The following ZNF521 variants were observed in gnomAD, a reference collection of about 807,000 sequenced individuals.
The protein encoded by ZNF521 is zinc finger protein 521.
ZNF521 carries 14 observed loss-of-function variants against 105.5 expected under a neutral mutation model. The ratio of observed to expected loss-of-function variants is 0.13; its 90% CI spans 0.09 to 0.21. The LOEUF (loss-of-function observed/expected upper bound fraction) is 0.21. ZNF521 is among the 10% of genes least tolerant of loss of function. The probability of loss-of-function intolerance (pLI) is 1.00; values close to 1 mark genes in which losing one functional copy is unlikely to be tolerated. For synonymous variants in ZNF521, 635 were observed against 606.0 expected, an observed-to-expected ratio of 1.05 and a Z score of -0.70; for missense variants, 1,233 against 1,629.7, an observed-to-expected ratio of 0.76 and a Z score of 4.19.
At chr18:25,295,407 C>T (rs995720871) in intron 3 of ZNF521, among the ~76,000 whole-genome samples, 1 of 152,010 alleles carries the variant, frequency 6.6e-6, no homozygotes, top group Admixed American at 6.6e-5. Flanking sequence ...TTTGCTAGCA[C>T]AACAGGATGA....
At chr18:25,150,723 A>G (rs555456079) in intron 5 of ZNF521, among the ~76,000 whole-genome samples, 1 of 152,210 alleles carries the variant, frequency 6.6e-6, no homozygotes, top group East Asian at 1.9e-4. Flanking sequence ...CTATTGGGTC[A>G]TAACTCCTAA....
At chr18:25,097,417 G>A (rs2033875508) in intron 5 of ZNF521, among the ~76,000 whole-genome samples, 1 of 152,116 alleles carries the variant, frequency 6.6e-6, no homozygotes, top group Non-Finnish European at 1.5e-5. Flanking sequence ...ATTGCATATT[G>A]TGGGAACGTT....
chr18:25,250,069 G>A (rs972195057), intron 3 of ZNF521, among the ~76,000 whole-genome samples: 87 of 152,242 alleles, frequency 5.7e-4, no homozygotes, highest in African/African-American at 2.1e-3. Context: ...ATCGGGAGTA[G>A]CTGGGACTAC....
intron 3 of ZNF521, among the ~76,000 whole-genome samples, chr18:25,280,271 A>C (rs2033900454): frequency 6.6e-6 from 1 of 152,252 alleles, no homozygotes; most frequent in South Asian, 2.1e-4. Flanking sequence ...CACCAGCACC[A>C]TTAAGTGGCA....
rs571705855 is a variant in ZNF521, at chr18:25,165,305, C to T, written c.3658+29855G>A. ...CCCTGCAGGCTCTTGTCTTCACCTT[C>T]AAATCATAAGACAGAGAAATCAAGC... is the stretch of plus-strand genomic sequence containing the variant. On this transcript the variant is annotated intron_variant, in intron 5 of 7. Coordinates refer to ENST00000361524, the MANE Select transcript of ZNF521 (RefSeq NM_015461.3). Among the ~76,000 whole-genome samples, 82 of 152,312 alleles carry T rather than the reference C, an allele frequency of 5.4e-4. 1 individual carries two copies. Among genetic ancestry groups the T allele is most frequent in the African/African-American group, 1.7e-3 (72 of 41,590 alleles).
chr18:25,291,082 C>G (rs1281803855), intron 3 of ZNF521, among the ~76,000 whole-genome samples: 1 of 152,036 alleles, frequency 6.6e-6, no homozygotes, highest in Admixed American at 6.6e-5. Flanking sequence ...AATACACTTG[C>G]CAAATGACTG....
At chr18:25,290,461 C>A (rs1330626049) in intron 3 of ZNF521, among the ~76,000 whole-genome samples, 2 of 152,064 alleles carry the variant, frequency 1.3e-5, no homozygotes, top group African/African-American at 2.4e-5. Flanking sequence ...ATTCCTGGGC[C>A]CCTCGCTGGG....
At position 25,316,861 on chromosome 18, in the gene ZNF521, T is replaced by C. The variant is rs1042989352; in HGVS notation, c.220+5147A>G. Among the ~76,000 whole-genome samples, 18 of 112,140 alleles carry C rather than the reference T, an allele frequency of 1.6e-4. No homozygotes were observed. The East Asian group carries it at 2.7e-3, about 17-fold the overall frequency. 73.6% of individuals were successfully genotyped at this position (112,140 alleles called of 152,430 possible). A position where few individuals can be genotyped will look rare whatever the true frequency, so the allele number is the denominator to read the frequency against. On this transcript the variant is annotated intron_variant, in intron 3 of 7. Coordinates refer to ENST00000361524, the MANE Select transcript of ZNF521 (RefSeq NM_015461.3). ...GGCAAGTAAGACTTTTTTTTTTTTT[T>C]TTTTTTTTTTGAGACAGAGTTTCAC...
chr18:25,225,180 G>C lies in ZNF521; in HGVS notation c.2738C>G (p.Pro913Arg). 2 of 1,614,100 alleles carry C rather than the reference G, an allele frequency of 1.2e-6. No homozygotes were observed. The highest frequency in any genetic ancestry group is 2.2e-5 in the South Asian group (2 of 91,066). ...CTTTTTCACGATGGCACTTTCTCCA[G>C]GTCTGATGTTGTGGTCTCGGAGCTG... is the stretch of plus-strand genomic sequence containing the variant. ...NHQLRDHNIR[P>R]GESAIVKKKA... is the part of the protein sequence containing the mutation. The change falls in exon 4 of 8, where the codon CCT (proline) becomes CGT (arginine). Residue 913 changes from proline to arginine, a missense_variant. By Grantham distance (103) the Pro-to-Arg change is moderately radical. Transcript: ENST00000361524. This position sits in a 1 kb window ranked among gnomAD's most constrained non-coding sequence, Gnocchi z 5.6.
At chr18:25,192,246 A>C (rs4131294) in intron 5 of ZNF521, among the ~76,000 whole-genome samples, 26,199 of 152,110 alleles carry the variant, frequency 0.17, 2,355 homozygotes, top group East Asian at 0.31. Context: ...ATTTTTATCG[A>C]GTAATTATTC....
chr18:25,156,144 A>G (rs2035139852), intron 5 of ZNF521, among the ~76,000 whole-genome samples: 1 of 152,230 alleles, frequency 6.6e-6, no homozygotes, highest in Non-Finnish European at 1.5e-5. Context: ...ATGTGAAATG[A>G]TAGATTTGTT....
intron 5 of ZNF521, among the ~76,000 whole-genome samples, chr18:25,164,319 G>A (rs989965346): frequency 6.6e-6 from 1 of 152,128 alleles, no homozygotes; most frequent in Non-Finnish European, 1.5e-5. Context: ...CAGGGCAGGA[G>A]AGCCAACCCC....
At chr18:25,136,565 G>A (rs976724957) in intron 5 of ZNF521, among the ~76,000 whole-genome samples, 2 of 152,090 alleles carry the variant, frequency 1.3e-5, no homozygotes, top group South Asian at 4.2e-4. Context: ...GGTTCAGGTT[G>A]AGAAAGGGTG....
At chr18:25,080,116 G>A (rs1050420897) in intron 7 of ZNF521, among the ~76,000 whole-genome samples, 1 of 152,214 alleles carries the variant, frequency 6.6e-6, no homozygotes, top group Non-Finnish European at 1.5e-5. Context: ...CAGACATGGA[G>A]GGGCCCAAGG....
chr18:25,212,539 ATAT>A (rs374360287), intron 4 of ZNF521, among the ~76,000 whole-genome samples: 18 of 47,910 alleles, frequency 3.8e-4, no homozygotes, highest in East Asian at 1.1e-3. Context: ...AAAAAAAAAA[ATAT>A]ATATATATAT....
At chr18:25,334,452 G>C (rs1362335864) in intron 2 of ZNF521, among the ~76,000 whole-genome samples, 1 of 152,192 alleles carries the variant, frequency 6.6e-6, no homozygotes, top group Non-Finnish European at 1.5e-5. Flanking sequence ...GATGGGCCCA[G>C]TGTATGTGAC....
chr18:25,117,784 T>G (rs1490367901), intron 5 of ZNF521, among the ~76,000 whole-genome samples: 1 of 152,054 alleles, frequency 6.6e-6, no homozygotes, highest in Non-Finnish European at 1.5e-5. Context: ...CATGGGTAAC[T>G]GTAGTTTTAA....
chr18:25,338,937 T>C (rs1368136190), intron 2 of ZNF521, among the ~76,000 whole-genome samples: 2 of 152,160 alleles, frequency 1.3e-5, no homozygotes, highest in South Asian at 2.1e-4. Flanking sequence ...TGATCAAGTA[T>C]TTAGAGAGCA....
intron 5 of ZNF521, among the ~76,000 whole-genome samples, chr18:25,110,383 G>A (rs900290788): frequency 6.6e-6 from 1 of 151,748 alleles, no homozygotes; most frequent in African/African-American, 2.4e-5. Context: ...CCAAAAGTGT[G>A]GGGTTTTGTT....
Sources: allele counts gnomAD v4.1 joint callset (sites outside exome capture counted in the v4.1 genomes callset), GRCh38; gene constraint gnomAD v4.1.1; non-coding constraint Gnocchi (gnomAD v3.1); transcripts MANE v1.5; gene names NCBI Gene and HGNC (gene_info 2026-07-23, HGNC 2026-07-21).